The following TMEM108 variants were observed in gnomAD, a reference collection of about 807,000 sequenced individuals.
The protein encoded by TMEM108 is transmembrane protein 108, also known as cancer/testis antigen 124.
Under a neutral mutation model 35.1 loss-of-function variants are expected in TMEM108, and 12 were observed. That is an observed-to-expected ratio of 0.34 (90% CI 0.22 to 0.55). The LOEUF is 0.55. Among genes scored for constraint, TMEM108 ranks in the 20% least tolerant of loss-of-function variants. TMEM108 has a pLI of 0.89. For synonymous variants in TMEM108, 287 were observed against 308.6 expected (o/e 0.93, Z 0.73); for missense variants, 680 against 753.3 (o/e 0.90, Z 1.14).
At chr3:133,120,517 C>T (rs1437462244) in intron 2 of TMEM108, among the ~76,000 whole-genome samples, 2 of 152,178 alleles carry the variant, frequency 1.3e-5, no homozygotes, top group African/African-American at 2.4e-5. Flanking sequence ...TCCCAGCCAT[C>T]CTCCTATGGT....
chr3:133,244,411 T>C (rs1946356231), intron 3 of TMEM108, among the ~76,000 whole-genome samples: 1 of 152,210 alleles, frequency 6.6e-6, no homozygotes, highest in Admixed American at 6.5e-5. Flanking sequence ...GAACCCGTCC[T>C]AAGTCTCATT....
intron 2 of TMEM108, among the ~76,000 whole-genome samples, chr3:133,083,537 T>G (rs1471873762): frequency 6.6e-6 from 1 of 152,214 alleles, no homozygotes; most frequent in Non-Finnish European, 1.5e-5. Flanking sequence ...GACTGTGGAC[T>G]GAAAAGGGGC....
chr3:133,172,889 G>A (rs899684952), intron 2 of TMEM108, among the ~76,000 whole-genome samples: 1 of 152,100 alleles, frequency 6.6e-6, no homozygotes, highest in African/African-American at 2.4e-5. Flanking sequence ...GAGATCTGAT[G>A]GTTTTATAAG....
intron 2 of TMEM108, among the ~76,000 whole-genome samples, chr3:133,225,459 G>T (rs372993847): frequency 6.6e-6 from 1 of 152,018 alleles, no homozygotes; most frequent in South Asian, 2.1e-4. Flanking sequence ...TTGAGCTGTT[G>T]TACCCCCCTC....
intron 3 of TMEM108, among the ~76,000 whole-genome samples, chr3:133,245,936 C>G (rs937110078): frequency 1.3e-5 from 2 of 151,328 alleles, no homozygotes; most frequent in African/African-American, 4.9e-5. Flanking sequence ...ATAAAAAAAT[C>G]TAGTGAAATA....
At position 133,167,539 on chromosome 3, in the gene TMEM108, G is replaced by A. The variant is rs761021672; in HGVS notation, c.-46-61727G>A. Among the ~76,000 whole-genome samples, 6 of 152,256 alleles carry A rather than the reference G, an allele frequency of 3.9e-5. No individual in the cohort carries two copies. In the South Asian group the frequency reaches 6.2e-4, roughly 16 times the overall value. ...CTACAGGTCCCAAGCCCTGCCCCGC[G>A]GGGAGGCGGCTGAAGCCCAGCGAGA... On this transcript the variant is annotated intron_variant, in intron 2 of 5. Coordinates refer to ENST00000321871, the MANE Select transcript of TMEM108 (RefSeq NM_023943.4).
intron 2 of TMEM108, among the ~76,000 whole-genome samples, chr3:133,054,784 A>T (rs1943446684): frequency 6.6e-6 from 1 of 152,178 alleles, no homozygotes; most frequent in Non-Finnish European, 1.5e-5. Flanking sequence ...GAGTGGAGTG[A>T]CCCATGGCAG....
At chr3:133,070,179 C>A (rs752719609) in intron 2 of TMEM108, among the ~76,000 whole-genome samples, 10 of 152,094 alleles carry the variant, frequency 6.6e-5, no homozygotes, top group Non-Finnish European at 1.3e-4. Flanking sequence ...CTTACCACAC[C>A]TTTTTTTCAG....
chr3:133,173,067 TTATC>T (rs1453482785), intron 2 of TMEM108, among the ~76,000 whole-genome samples: 1 of 152,316 alleles, frequency 6.6e-6, no homozygotes, highest in East Asian at 1.9e-4. Context: ...GGGTATGTCT[TTATC>T]AGCAGCATGA....
intron 3 of TMEM108, among the ~76,000 whole-genome samples, chr3:133,370,146 T>C (rs1445800043): frequency 3.5e-5 from 1 of 28,814 alleles, no homozygotes; most frequent in East Asian, 6.4e-4. Context: ...TCAGACTCCC[T>C]TTTTTTTTTT....
chr3:133,314,766 C>T (rs903366317), intron 3 of TMEM108, among the ~76,000 whole-genome samples: 1 of 152,190 alleles, frequency 6.6e-6, no homozygotes, highest in African/African-American at 2.4e-5. Flanking sequence ...GAACAGACAG[C>T]ATGAGTTTAG....
chr3:133,215,787 C>CT (rs1257171693), intron 2 of TMEM108, among the ~76,000 whole-genome samples: 2 of 151,810 alleles, frequency 1.3e-5, no homozygotes, highest in Non-Finnish European at 2.9e-5. Flanking sequence ...TGCTTTTATG[C>CT]TTTTTTACAT....
chr3:133,391,247 GA>G (rs1156460047), intron 5 of TMEM108, among the ~76,000 whole-genome samples: 2 of 152,172 alleles, frequency 1.3e-5, no homozygotes, highest in African/African-American at 4.8e-5. Flanking sequence ...CTTGATGGAT[GA>G]GTAAATAGAT....
chr3:133,170,756 A>G (rs1209960664), intron 2 of TMEM108, among the ~76,000 whole-genome samples: 1 of 152,186 alleles, frequency 6.6e-6, no homozygotes, highest in Non-Finnish European at 1.5e-5. Flanking sequence ...TAGGAGATAT[A>G]TCAGTATATA....
At chr3:133,085,202 A>T (rs886753300) in intron 2 of TMEM108, among the ~76,000 whole-genome samples, 3 of 152,220 alleles carry the variant, frequency 2.0e-5, no homozygotes, top group Non-Finnish European at 4.4e-5. Flanking sequence ...AAGACAATGT[A>T]AAGTTAGGGG....
chr3:133,117,099 C>T (rs1220494720), intron 2 of TMEM108, among the ~76,000 whole-genome samples: 1 of 152,224 alleles, frequency 6.6e-6, no homozygotes, highest in Non-Finnish European at 1.5e-5. Context: ...TCAAACAGTA[C>T]ACATTTTGAC....
intron 3 of TMEM108, among the ~76,000 whole-genome samples, chr3:133,236,087 T>G (rs747113028): frequency 6.6e-6 from 1 of 152,176 alleles, no homozygotes; most frequent in Non-Finnish European, 1.5e-5. Flanking sequence ...TATCAATATC[T>G]ATTCAAATCA....
rs769438931 is a variant in TMEM108 at position 133,380,677 on chromosome 3, C to T, written c.966C>T (p.His322=). The change falls in exon 4 of 6, where the codon CAC becomes CAT. Residue 322 remains histidine, a synonymous_variant. Coordinates refer to ENST00000321871, the MANE Select transcript of TMEM108 (RefSeq NM_023943.4). This position sits in a 1 kb window ranked among gnomAD's most constrained non-coding sequence, Gnocchi z 5.3. ...CAGTGCCTTCTCAGCGCCCCCACCACGGTGACCCACAGGATGGCCCCAGCC... is the reference window on the plus strand; with the variant it reads ...CAGTGCCTTCTCAGCGCCCCCACCATGGTGACCCACAGGATGGCCCCAGCC... ...AAPVPSQRPH[H]GDPQDGPSHS... is the part of the protein sequence containing the mutation. 5.8e-5 allele frequency: 93 copies of T among 1,614,152 alleles called. No homozygotes were observed. The South Asian group carries it at 8.0e-4, about 14-fold the overall frequency.
chr3:133,263,069 T>A (rs1447880557), intron 3 of TMEM108, among the ~76,000 whole-genome samples: 1 of 152,206 alleles, frequency 6.6e-6, no homozygotes, highest in Non-Finnish European at 1.5e-5. Context: ...ATTGCTATGT[T>A]CCCTTGCAAA....
Sources: allele counts gnomAD v4.1 joint callset (sites outside exome capture counted in the v4.1 genomes callset), GRCh38; gene constraint gnomAD v4.1.1; non-coding constraint Gnocchi (gnomAD v3.1); transcripts MANE v1.5; gene names NCBI Gene and HGNC (gene_info 2026-07-23, HGNC 2026-07-21).